SHCBP1L: variants seen among roughly 807,000 people sequenced by gnomAD.
SHCBP1L encodes the protein SHC binding and spindle associated 1 like.
SHCBP1L carries 67 observed loss-of-function variants against 62.5 expected under a neutral mutation model. The ratio of observed to expected loss-of-function variants is 1.07; its 90% CI spans 0.88 to 1.31. SHCBP1L has a LOEUF of 1.31. Ranked by LOEUF, SHCBP1L falls within the 40% of genes most tolerant of loss-of-function variation. SHCBP1L has a pLI of 0.00. For synonymous variants in SHCBP1L, 284 were observed against 289.4 expected (o/e 0.98, Z 0.19); for missense variants, 823 against 809.8 (o/e 1.02, Z -0.20).
intron 5 of SHCBP1L, among the ~76,000 whole-genome samples, chr1:182,932,235 A>G (rs942834144): frequency 6.6e-6 from 1 of 152,032 alleles, no homozygotes; most frequent in African/African-American, 2.4e-5. Flanking sequence ...TTCAGCAATT[A>G]TGAATAAAAC....
At chr1:182,919,092 C>T (rs1326688643) in intron 6 of SHCBP1L, among the ~76,000 whole-genome samples, 1 of 152,108 alleles carries the variant, frequency 6.6e-6, no homozygotes, top group South Asian at 2.1e-4. Context: ...AACTTGGCAG[C>T]GGATTCTAAG....
chr1:182,939,247 T>C lies in SHCBP1L; in HGVS notation c.1005A>G (p.Glu335=). 6.2e-7 allele frequency: 1 copy of C among 1,614,016 alleles called. No individual in the cohort carries two copies. The highest frequency in any genetic ancestry group is 8.5e-7 in the Non-Finnish European group (1 of 1,179,966). Residue 335 remains glutamate (E), a synonymous_variant, in exon 5 of 10, where the codon GAA becomes GAG. Coordinates refer to ENST00000367547, the MANE Select transcript of SHCBP1L (RefSeq NM_030933.4). ...CTATCTCATAGTATTTTTTCCAGCATTCAACAGCCTCTGCTGCAGATGGAT... is the reference window on the plus strand; with the variant it reads ...CTATCTCATAGTATTTTTTCCAGCACTCAACAGCCTCTGCTGCAGATGGAT... The part of the protein sequence containing the change: ...KEDPSAAEAV[E]CWKKYYEIVM...
intron 3 of SHCBP1L, among the ~76,000 whole-genome samples, chr1:182,940,127 C>T (rs55823015): frequency 0.093 from 14,160 of 151,594 alleles, 959 homozygotes; most frequent in African/African-American, 0.18. Context: ...TTTTCATTAC[C>T]CATATATAAT....
intron 1 of SHCBP1L, 45 bp downstream of exon 1, chr1:182,952,684 C>A: frequency 6.5e-7 from 1 of 1,544,760 alleles, no homozygotes; most frequent in South Asian, 1.3e-5. Context: ...TCCCCAGGTT[C>A]CGACGAGCTT....
chr1:182,950,950 T>C (rs925449132), intron 2 of SHCBP1L, among the ~76,000 whole-genome samples: 2 of 151,906 alleles, frequency 1.3e-5, no homozygotes, highest in Admixed American at 6.6e-5. Flanking sequence ...TTTTTCCTCA[T>C]CTGAACTAAA....
chr1:182,905,586 T>C lies in SHCBP1L; in HGVS notation c.1246A>G (p.Asn416Asp). Residue 416 changes from asparagine to aspartate, a missense_variant, in exon 7 of 10, where the codon AAT becomes GAT. Coordinates refer to ENST00000367547, the MANE Select transcript of SHCBP1L (RefSeq NM_030933.4). ...QHGDLDLALD[N>D]CYSGDTVIIF... Reference sequence around the variant, plus strand: ...ATTACTGTATCTCCACTATAACAATTATCCAAAGCCAAATCCAAATCACCA... The same window carrying C: ...ATTACTGTATCTCCACTATAACAATCATCCAAAGCCAAATCCAAATCACCA... The C allele has an allele frequency of 1.2e-6, 2 of 1,613,768 alleles. No homozygotes were observed. Among genetic ancestry groups the C allele is most frequent in the Non-Finnish European group, 1.7e-6 (2 of 1,179,822 alleles).
rs1008834224 is a variant in SHCBP1L, at chr1:182,905,456, A to G, written c.1336+40T>C. The G allele has an allele frequency of 1.9e-6, 3 of 1,595,512 alleles. No individual in the cohort carries two copies. In the African/African-American group the frequency reaches 4.0e-5, roughly 21 times the overall value. ...TTAGAATACACAATTTGTCCAGTATACATTGCTGTAAAAAAAACTACAAAG... is the reference window on the plus strand; with the variant it reads ...TTAGAATACACAATTTGTCCAGTATGCATTGCTGTAAAAAAAACTACAAAG... On this transcript the variant is annotated intron_variant, in intron 7 of 9. Coordinates refer to ENST00000367547, the MANE Select transcript of SHCBP1L (RefSeq NM_030933.4).
intron 6 of SHCBP1L, among the ~76,000 whole-genome samples, chr1:182,913,702 CG>C (rs1650264114): frequency 6.6e-6 from 1 of 152,086 alleles, no homozygotes; most frequent in African/African-American, 2.4e-5. Flanking sequence ...CAAAGATAGG[CG>C]GGGCACAGTG....
intron 6 of SHCBP1L, among the ~76,000 whole-genome samples, chr1:182,921,530 A>C (rs935106036): frequency 2.6e-5 from 4 of 152,230 alleles, no homozygotes; most frequent in Non-Finnish European, 5.9e-5. Context: ...CTTGAAAGTA[A>C]ATGGGTTATA....
At chr1:182,917,972 T>C (rs989771005) in intron 6 of SHCBP1L, among the ~76,000 whole-genome samples, 3 of 151,696 alleles carry the variant, frequency 2.0e-5, no homozygotes, top group Admixed American at 6.6e-5. Flanking sequence ...AGAGCAACTA[T>C]GCAAAAAGAA....
intron 2 of SHCBP1L, among the ~76,000 whole-genome samples, chr1:182,947,014 A>C (rs1651587695): frequency 6.6e-6 from 1 of 152,150 alleles, no homozygotes; most frequent in Non-Finnish European, 1.5e-5. Context: ...AGGCAGGTGG[A>C]TCACCTGAGG....
chr1:182,903,618 C>T (rs1051558387), intron 8 of SHCBP1L, among the ~76,000 whole-genome samples: 2 of 151,982 alleles, frequency 1.3e-5, no homozygotes, highest in Admixed American at 1.3e-4. Context: ...CTTCAATGAT[C>T]TTTGTGATTG....
intron 2 of SHCBP1L, among the ~76,000 whole-genome samples, chr1:182,949,688 C>T (rs1020331097): frequency 6.6e-6 from 1 of 151,164 alleles, no homozygotes; most frequent in African/African-American, 2.4e-5. Flanking sequence ...CAGAGTTAGA[C>T]CTTATCTTGA....
At chr1:182,945,498 GT>G (rs950948875) in intron 2 of SHCBP1L, among the ~76,000 whole-genome samples, 3 of 152,100 alleles carry the variant, frequency 2.0e-5, no homozygotes, top group African/African-American at 7.2e-5. Context: ...AATTCCCTTT[GT>G]TTTTCTCTTA....
intron 2 of SHCBP1L, among the ~76,000 whole-genome samples, chr1:182,944,957 C>CTTTTTTTTTTTTTTTTTTTTTTTTTTTT: frequency 9.2e-6 from 1 of 109,076 alleles, no homozygotes; most frequent in Non-Finnish European, 1.8e-5. Flanking sequence ...TTCTTTCTTT[C>CTTTTTTTTTTTTTTTTTTTTTTTTTTTT]TTTTTTTTTT....
At position 182,929,746 on chromosome 1, in the gene SHCBP1L, A is replaced by C. The variant is rs141386906; in HGVS notation, c.1083T>G (p.His361Gln). Residue 361 changes from histidine (H) to glutamine (Q), a missense_variant, in exon 6 of 10, where the codon CAT (histidine) becomes CAG (glutamine). Physicochemically the swap from His to Gln is conservative, Grantham distance 24 (BLOSUM62 0). Transcript: ENST00000367547. ...KMWEDLRLRV[H>Q]GPFFPRILRR... ...TCAGAATTCTTGGAAAGAAAGGTCC[A>C]TGAACTCTATAGTTGAAAATATTTA... is the stretch of plus-strand genomic sequence containing the variant. 1.2e-5 allele frequency: 19 copies of C among 1,572,286 alleles called. No homozygotes were observed. The highest frequency in any genetic ancestry group is 1.6e-5 in the Non-Finnish European group (19 of 1,161,944).
rs1464069842 is a variant in SHCBP1L at position 182,952,223 on chromosome 1, T to C, written c.405+506A>G. 1.3e-3 allele frequency among the ~76,000 whole-genome samples: 80 copies of C among 63,998 alleles called. 2 individuals carry two copies. The highest frequency in any genetic ancestry group is 6.4e-3 in the African/African-American group (73 of 11,462). The allele number at this position is 63,998 out of a possible 152,430, so 42.0% of individuals were successfully genotyped here. On this transcript the variant is annotated intron_variant, in intron 1 of 9. Coordinates refer to ENST00000367547, the MANE Select transcript of SHCBP1L (RefSeq NM_030933.4). ...ATATATATATATATATATATATATA[T>C]ATATATATATATACACACACACACA... is the stretch of plus-strand genomic sequence containing the variant.
At chr1:182,912,399 C>G (rs1202781358) in intron 6 of SHCBP1L, among the ~76,000 whole-genome samples, 4 of 152,200 alleles carry the variant, frequency 2.6e-5, no homozygotes, top group Non-Finnish European at 4.4e-5. Context: ...GTTCAGAGAG[C>G]CTTCAGAAAG....
intron 9 of SHCBP1L, among the ~76,000 whole-genome samples, chr1:182,900,898 G>C (rs1649813661): frequency 6.6e-6 from 1 of 152,032 alleles, no homozygotes; most frequent in Admixed American, 6.6e-5. Flanking sequence ...AAAAGTGTAA[G>C]AAAATATTTA....
Sources: gnomAD v4.1 joint callset for allele counts (sites outside exome capture counted in the v4.1 genomes callset) on GRCh38, gnomAD v4.1.1 for gene constraint, MANE v1.5 for transcripts, NCBI Gene and HGNC (gene_info 2026-07-23, HGNC 2026-07-21) for gene names.